The following PCDH18 variants were observed in gnomAD, a reference collection of about 807,000 sequenced individuals.
PCDH18 encodes protocadherin-18.
PCDH18 carries 38 observed loss-of-function variants against 71.5 expected under a neutral mutation model. The observed-to-expected ratio is 0.53, with a 90% CI of 0.41 to 0.70. The LOEUF (loss-of-function observed/expected upper bound fraction) is 0.70, where lower values mean the gene tolerates loss of function less well. Among genes scored for constraint, PCDH18 ranks in the 30% least tolerant of loss-of-function variants. The probability of loss-of-function intolerance (pLI) is 0.00; values close to 1 mark genes in which losing one functional copy is unlikely to be tolerated. For synonymous variants in PCDH18, 565 were observed against 505.4 expected (o/e 1.12, Z -1.58); for missense variants, 1,334 against 1,384.6 (o/e 0.96, Z 0.58).
Position 137,521,022 on chromosome 4 carries a change from A to G in PCDH18, c.*7T>C. 2 of 1,553,162 alleles carry G rather than the reference A, an allele frequency of 1.3e-6. No homozygotes were observed. Among genetic ancestry groups the G allele is most frequent in the East Asian group, 4.5e-5 (2 of 44,052 alleles). On this transcript the variant is annotated 3_prime_UTR_variant, in exon 4 of 4. Transcript: ENST00000344876. The stretch of plus-strand genomic sequence containing the variant: ...ACATGGAAACAAAAATGCTTCGCTA[A>G]AATCTCCTAGCTCTGGCGGACATCT...
rs768117641 is a variant in PCDH18 at position 137,521,257 on chromosome 4, C to A, written c.3180G>T (p.Thr1060=). ...PQGVAAWAAS[T]HFQNPTTNCG... is the part of the protein sequence containing the mutation. The stretch of plus-strand genomic sequence containing the variant: ...AGTTGGTGGTGGGATTTTGAAAATG[C>A]GTACTGGCTGCCCATGCCGCTACCC... The change falls in exon 4 of 4, where the codon ACG becomes ACT. Residue 1060 remains threonine (T), a synonymous_variant. Coordinates refer to ENST00000344876, the MANE Select transcript of PCDH18 (RefSeq NM_019035.5). The A allele has an allele frequency of 3.8e-5, 62 of 1,613,964 alleles. No individual in the cohort carries two copies. In the Admixed American group the frequency reaches 1.0e-3, roughly 26 times the overall value.
At chr4:137,521,830 A>G in intron 3 of PCDH18, 134 bp from the exon 4 acceptor site, 1 of 657,882 alleles carries the variant, frequency 1.5e-6, no homozygotes, top group East Asian at 2.7e-5. Context: ...CTATTATTAT[A>G]CACAAAAGCT....
intron 1 of PCDH18, 163 bp downstream of exon 1, chr4:137,529,439 G>C (rs1419651060): frequency 1.9e-6 from 1 of 528,854 alleles, no homozygotes; most frequent in African/African-American, 1.9e-5. Context: ...GTATGCTAAA[G>C]TGTGCATCTT....
Position 137,532,149 on chromosome 4 carries a change from C to A in PCDH18, c.-61G>T, listed in dbSNP as rs1283182197. On this transcript the variant is annotated 5_prime_UTR_variant, in exon 1 of 4. Coordinates refer to ENST00000344876, the MANE Select transcript of PCDH18 (RefSeq NM_019035.5). ...TAAAACAGCAAAGCAATTGCCTCAA[C>A]TTCCTTTGGCAACGTAAAGCTACAT... 2 of 1,283,580 alleles carry A rather than the reference C, an allele frequency of 1.6e-6. No individual in the cohort carries two copies. Among genetic ancestry groups the A allele is most frequent in the South Asian group, 1.2e-5 (1 of 84,540 alleles). The allele number at this position is 1,283,580 out of a possible 1,614,324, so 79.5% of individuals were successfully genotyped here.
chr4:137,525,988 A>G (rs189929291), intron 3 of PCDH18, among the ~76,000 whole-genome samples: 1 of 152,032 alleles, frequency 6.6e-6, no homozygotes, highest in Non-Finnish European at 1.5e-5. Context: ...CAGTTTATCT[A>G]TGTCTACCTA....
In PCDH18 at chr4:137,531,517, T is replaced by A; in HGVS notation, c.572A>T (p.Asp191Val). Residue 191 changes from aspartate (D) to valine (V), a missense_variant, in exon 1 of 4, where the codon GAT becomes GTT. Asp to Val is a radical substitution (Grantham distance 152). Coordinates refer to ENST00000344876, the MANE Select transcript of PCDH18 (RefSeq NM_019035.5). Reference protein sequence around the residue: ...FFNIEVRTRTDGAKYAELIVV... With the variant: ...FFNIEVRTRTVGAKYAELIVV... ...TATGAGTTCTGCATACTTGGCTCCA[T>A]CAGTCCTGGTCCGAACCTCGATATT... 6.2e-7 allele frequency: 1 copy of A among 1,613,776 alleles called. No individual in the cohort carries two copies. Among genetic ancestry groups the A allele is most frequent in the Non-Finnish European group, 8.5e-7 (1 of 1,179,830 alleles).
Position 137,531,715 on chromosome 4 carries a change from A to G in PCDH18, c.374T>C (p.Val125Ala), listed in dbSNP as rs532051873. The change falls in exon 1 of 4, where the codon GTT becomes GCT. Residue 125 changes from valine (V) to alanine (A), a missense_variant. Around this residue, in one of 3 missense-constraint regions of PCDH18, gnomAD observed 1,011 missense variants for 1,048.0 expected, o/e 0.96. Coordinates refer to ENST00000344876, the MANE Select transcript of PCDH18 (RefSeq NM_019035.5). ...ATTGTCATTAATATCCAGCACTTCA[A>G]CTTCAATATGGAAAAGCTGCAGATG... The part of the protein sequence containing the change: ...TEHLQLFHIE[V>A]EVLDINDNSP... The G allele has an allele frequency of 1.2e-6, 2 of 1,614,108 alleles. No homozygotes were observed. The highest frequency in any genetic ancestry group is 2.2e-5 in the East Asian group (1 of 44,874).
Position 137,528,719 on chromosome 4 carries a change from G to C in PCDH18, c.2576+13C>G, listed in dbSNP as rs1482140601. On this transcript the variant is annotated intron_variant, in intron 2 of 3. Coordinates refer to ENST00000344876, the MANE Select transcript of PCDH18 (RefSeq NM_019035.5). ...TGTTGAAACTTAATAGGTAACACAA[G>C]AATAATTCATACCTGTAGCTCCTGG... 1.9e-5 allele frequency: 31 copies of C among 1,608,646 alleles called. No homozygotes were observed. Among genetic ancestry groups the C allele is most frequent in the Non-Finnish European group, 2.5e-5 (29 of 1,175,302 alleles).
At chr4:137,528,444 T>C (rs1731542075) in intron 3 of PCDH18, 34 bp downstream of exon 3, 1 of 1,594,304 alleles carries the variant, frequency 6.3e-7, no homozygotes, top group Non-Finnish European at 8.6e-7. Context: ...ACGGTAGACC[T>C]GAAAATAAAG....
Position 137,529,693 on chromosome 4 carries a change from T to C in PCDH18, c.2396A>G (p.His799Arg). Residue 799 changes from histidine (H) to arginine (R), a missense_variant, in exon 1 of 4, where the codon CAC (histidine) becomes CGC (arginine). Transcript: ENST00000344876. ...TGTCACCAAACTGTTGAGTGACTGG[T>C]GACTGTTGTGACTCTGCCGGCTGCC... ...QMGSRQSHNSHQSLNSLVTIS... is the reference protein window; with the variant it reads ...QMGSRQSHNSRQSLNSLVTIS... The C allele has an allele frequency of 6.2e-7, 1 of 1,613,860 alleles. No homozygotes were observed. Among genetic ancestry groups the C allele is most frequent in the Non-Finnish European group, 8.5e-7 (1 of 1,179,822 alleles).
At position 137,521,136 on chromosome 4, in the gene PCDH18, A is replaced by C; in HGVS notation, c.3301T>G (p.Phe1101Val). The C allele has an allele frequency of 6.2e-7, 1 of 1,614,112 alleles. No homozygotes were observed. The highest frequency in any genetic ancestry group is 8.5e-7 in the Non-Finnish European group (1 of 1,179,968). ...EIPENYEEDD[F>V]DNVLNHLNDG... ...TTGAGGTGGTTGAGCACATTGTCAA[A>C]ATCATCTTCCTCATAATTTTCAGGG... The change falls in exon 4 of 4, where the codon TTT (phenylalanine) becomes GTT (valine). Residue 1101 changes from phenylalanine to valine, a missense_variant. Phe to Val is a conservative substitution (Grantham distance 50). Around this residue, in one of 3 missense-constraint regions of PCDH18, gnomAD observed 319 missense variants for 316.3 expected, o/e 1.01. Transcript: ENST00000344876.
chr4:137,528,455 A>G, intron 3 of PCDH18, 23 bp downstream of exon 3: 1 of 1,604,260 alleles, frequency 6.2e-7, no homozygotes, highest in Non-Finnish European at 8.5e-7. Context: ...GAAAATAAAG[A>G]TTTTCTATCA....
At position 137,530,345 on chromosome 4, in the gene PCDH18, G is replaced by C. The variant is rs200901920; in HGVS notation, c.1744C>G (p.Arg582Gly). ...NVPVVIGPALRNNTAEITIPK... is the reference protein window; with the variant it reads ...NVPVVIGPALGNNTAEITIPK... ...ATGGTGATTTCTGCCGTATTATTAC[G>C]CAATGCAGGCCCTATAACCACAGGA... Residue 582 changes from arginine to glycine, a missense_variant, in exon 1 of 4, where the codon CGT (arginine) becomes GGT (glycine). Physicochemically the swap from Arg to Gly is moderately radical, Grantham distance 125. Coordinates refer to ENST00000344876, the MANE Select transcript of PCDH18 (RefSeq NM_019035.5). 3 of 1,613,402 alleles carry C rather than the reference G, an allele frequency of 1.9e-6. 1 individual carries two copies. The highest frequency in any genetic ancestry group is 2.2e-5 in the East Asian group (1 of 44,860).
At position 137,531,619 on chromosome 4, in the gene PCDH18, G is replaced by A. The variant is rs868005285; in HGVS notation, c.470C>T (p.Pro157Leu). ...SESAAVGTRI[P>L]LDSAFDPDVG... Reference sequence around the variant, plus strand: ...ATCTGGATCAAATGCACTGTCCAGGGGAATGCGAGTCCCAACTGCTGCACT... The same window carrying A: ...ATCTGGATCAAATGCACTGTCCAGGAGAATGCGAGTCCCAACTGCTGCACT... Residue 157 changes from proline to leucine, a missense_variant, in exon 1 of 4, where the codon CCC becomes CTC. This residue lies in a region of PCDH18 where 1,011 missense variants were observed against 1,048.0 expected (regional missense o/e 0.96). Transcript: ENST00000344876. 3 of 1,613,748 alleles carry A rather than the reference G, an allele frequency of 1.9e-6. No homozygotes were observed. In the Middle Eastern group the frequency reaches 5.0e-4, roughly 266 times the overall value.
rs1436685395 is a variant in PCDH18 at position 137,519,016 on chromosome 4, A to C, written c.*2013T>G. The C allele has an allele frequency of 3.3e-5, 5 of 152,210 alleles. No individual in the cohort carries two copies. The highest frequency in any genetic ancestry group is 4.4e-5 in the Non-Finnish European group (3 of 68,034). 9.4% of individuals were successfully genotyped at this position (152,210 alleles called of 1,614,324 possible). ...CATATTACTGCTGGTGCTTTAAATT[A>C]AGAACAGTGAGGATATAAAAGTCTT... On this transcript the variant is annotated 3_prime_UTR_variant, in exon 4 of 4. Transcript: ENST00000344876.
Position 137,531,938 on chromosome 4 carries a change from C to T in PCDH18, c.151G>A (p.Val51Met), listed in dbSNP as rs755252742. 5.6e-6 allele frequency: 9 copies of T among 1,614,124 alleles called. No homozygotes were observed. The highest frequency in any genetic ancestry group is 7.6e-6 in the Non-Finnish European group (9 of 1,180,008). The change falls in exon 1 of 4, where the codon GTG becomes ATG. Residue 51 changes from valine (V) to methionine (M), a missense_variant. Transcript: ENST00000344876. ...GGAAGCTTCAATAAAACATCAGCCACATCCTCTGATAGTCTTGCAATTACT... is the reference window on the plus strand; with the variant it reads ...GGAAGCTTCAATAAAACATCAGCCATATCCTCTGATAGTCTTGCAATTACT... ...GSVIARLSEDVADVLLKLPNP... is the reference protein window; with the variant it reads ...GSVIARLSEDMADVLLKLPNP...
rs775479723 is a variant in PCDH18, at chr4:137,530,038, G to T, written c.2051C>A (p.Thr684Lys). The T allele has an allele frequency of 9.9e-6, 16 of 1,614,000 alleles. No individual in the cohort carries two copies. In the South Asian group the frequency reaches 1.1e-4, roughly 11 times the overall value. ...CMIFEYAESV[T>K]STAMTSVSQA... ...GCTTACTGAAGTCATTGCTGTACTTGTCACCGACTCTGCATATTCAAAGAT... is the reference window on the plus strand; with the variant it reads ...GCTTACTGAAGTCATTGCTGTACTTTTCACCGACTCTGCATATTCAAAGAT... The change falls in exon 1 of 4, where the codon ACA becomes AAA. Residue 684 changes from threonine to lysine, a missense_variant. Physicochemically the swap from Thr to Lys is moderately conservative, Grantham distance 78. Around this residue, in one of 3 missense-constraint regions of PCDH18, gnomAD observed 1,011 missense variants for 1,048.0 expected, o/e 0.96. Coordinates refer to ENST00000344876, the MANE Select transcript of PCDH18 (RefSeq NM_019035.5).
intron 3 of PCDH18, among the ~76,000 whole-genome samples, chr4:137,524,078 T>A (rs556684307): frequency 1.3e-4 from 20 of 152,242 alleles, no homozygotes; most frequent in African/African-American, 4.3e-4. Context: ...GCCACAAATG[T>A]TCCATACTAT....
At chr4:137,528,859 G>A in intron 1 of PCDH18, 39 bp from the exon 2 acceptor site, 1 of 1,347,450 alleles carries the variant, frequency 7.4e-7, no homozygotes, top group Non-Finnish European at 1.1e-6. Context: ...CCGGAAACAA[G>A]CCTCCAAACA....
Sources: gnomAD v4.1 joint callset for allele counts (sites outside exome capture counted in the v4.1 genomes callset) on GRCh38, gnomAD v4.1.1 for gene constraint, gnomAD v4.1.1 regional missense constraint, MANE v1.5 for transcripts, NCBI Gene and HGNC (gene_info 2026-07-23, HGNC 2026-07-21) for gene names.